TENM3: variants seen among roughly 807,000 people sequenced by gnomAD.
The protein encoded by TENM3 is teneurin-3.
TENM3 carries 63 observed loss-of-function variants against 255.1 expected under a neutral mutation model. The observed-to-expected ratio is 0.25, with a 90% confidence interval of 0.20 to 0.30. The LOEUF is 0.30. Ranked by LOEUF, TENM3 falls within the 10% of genes least tolerant of loss-of-function variation. The pLI, the probability that TENM3 is intolerant of heterozygous loss-of-function variation, is 1.00. For synonymous variants in TENM3, 1,306 were observed against 1,322.3 expected (o/e 0.99, Z 0.27); for missense variants, 2,929 against 3,461.1 (o/e 0.85, Z 3.86).
the TENM3 span, among the ~76,000 whole-genome samples, chr4:182,111,600 A>G: frequency 1.3e-5 from 2 of 152,222 alleles, no homozygotes; most frequent in African/African-American, 2.4e-5. Context: ...ACATGCTTCT[A>G]TGGGCAGACA....
At chr4:181,814,815 C>A in the TENM3 span, among the ~76,000 whole-genome samples, 1 of 151,932 alleles carries the variant, frequency 6.6e-6, no homozygotes, top group South Asian at 2.1e-4. Context: ...ATAATCAGAG[C>A]AGAAGCAGAA....
intron 1 of TENM3, among the ~76,000 whole-genome samples, chr4:182,237,882 GA>G (rs1177640912): frequency 6.6e-6 from 1 of 152,152 alleles, no homozygotes; most frequent in East Asian, 1.9e-4. Flanking sequence ...ATACATATAA[GA>G]GATTGTGGAC....
intron 3 of TENM3, among the ~76,000 whole-genome samples, chr4:182,516,890 C>CA (rs71605070): frequency 0.31 from 39,649 of 127,942 alleles, 5,994 homozygotes; most frequent in South Asian, 0.4. Flanking sequence ...GACCCAGTCT[C>CA]AAAAAAAAAA....
chr4:181,814,513 A>G, the TENM3 span, among the ~76,000 whole-genome samples: 18 of 152,060 alleles, frequency 1.2e-4, no homozygotes, highest in Admixed American at 1.0e-3. Context: ...CAGTTAATAA[A>G]CTTCACTGAA....
chr4:181,583,944 A>G, the TENM3 span, among the ~76,000 whole-genome samples: 2 of 152,056 alleles, frequency 1.3e-5, no homozygotes, highest in Non-Finnish European at 2.9e-5. Context: ...CTTGTTACAT[A>G]CTCTCATAGC....
chr4:182,618,067 T>C (rs964024712), intron 4 of TENM3, among the ~76,000 whole-genome samples: 10 of 152,212 alleles, frequency 6.6e-5, no homozygotes, highest in Admixed American at 1.3e-4. Context: ...TAACACTATA[T>C]AAAACATTGA....
chr4:182,779,748 A>G (rs1216383553), intron 24 of TENM3, among the ~76,000 whole-genome samples: 16 of 152,162 alleles, frequency 1.1e-4, no homozygotes, highest in Non-Finnish European at 2.4e-4. Flanking sequence ...AATGATTGCC[A>G]TTCTAACTAG....
intron 3 of TENM3, among the ~76,000 whole-genome samples, chr4:182,497,330 C>G (rs368701180): frequency 6.6e-6 from 1 of 152,092 alleles, no homozygotes; most frequent in African/African-American, 2.4e-5. Context: ...GGATTACAGG[C>G]GTGAGCCACG....
At chr4:182,002,781 A>T in the TENM3 span, among the ~76,000 whole-genome samples, 1 of 152,146 alleles carries the variant, frequency 6.6e-6, no homozygotes, top group Non-Finnish European at 1.5e-5. Context: ...CCTGTAGGCT[A>T]TAGACCACCC....
At chr4:181,566,977 A>G in the TENM3 span, among the ~76,000 whole-genome samples, 4 of 152,154 alleles carry the variant, frequency 2.6e-5, no homozygotes, top group South Asian at 6.2e-4. Flanking sequence ...CGAGACTCCA[A>G]ATAGGGTTCT....
At chr4:182,222,607 CT>C (rs1755910174) in intron 1 of TENM3, among the ~76,000 whole-genome samples, 1 of 152,218 alleles carries the variant, frequency 6.6e-6, no homozygotes, top group African/African-American at 2.4e-5. Flanking sequence ...AAGTGGTTTT[CT>C]TTCCTCTGAA....
chr4:181,636,289 C>T, the TENM3 span, among the ~76,000 whole-genome samples: 72 of 152,188 alleles, frequency 4.7e-4, no homozygotes, highest in African/African-American at 1.6e-3. Flanking sequence ...GTGATCCACC[C>T]GCCTCGGCCT....
chr4:181,669,968 A>T, the TENM3 span, among the ~76,000 whole-genome samples: 1 of 152,340 alleles, frequency 6.6e-6, no homozygotes, highest in Non-Finnish European at 1.5e-5. Context: ...AATAAAACAC[A>T]TCTTATGATT....
At chr4:182,519,767 G>C (rs1360716222) in intron 3 of TENM3, among the ~76,000 whole-genome samples, 2 of 152,172 alleles carry the variant, frequency 1.3e-5, no homozygotes, top group Admixed American at 1.3e-4. Context: ...ATCAGGGCCT[G>C]AAGTTTTACA....
the TENM3 span, among the ~76,000 whole-genome samples, chr4:181,908,993 C>T: frequency 3.3e-5 from 5 of 152,302 alleles, no homozygotes; most frequent in Admixed American, 3.3e-4. Context: ...TATAGGCTAG[C>T]TCCATAGAGT....
intron 1 of TENM3, among the ~76,000 whole-genome samples, chr4:182,282,180 A>G (rs1760428374): frequency 6.6e-6 from 1 of 152,242 alleles, no homozygotes; most frequent in African/African-American, 2.4e-5. Context: ...TAATTCAAAT[A>G]CCAGTGGACC....
chr4:181,838,359 G>C, the TENM3 span, among the ~76,000 whole-genome samples: 1 of 152,152 alleles, frequency 6.6e-6, no homozygotes, highest in South Asian at 2.1e-4. Flanking sequence ...TTGGCATCTA[G>C]AATTTGCTCA....
At chr4:182,061,591 G>C in the TENM3 span, among the ~76,000 whole-genome samples, 1 of 152,010 alleles carries the variant, frequency 6.6e-6, no homozygotes, top group Non-Finnish European at 1.5e-5. Flanking sequence ...TATTTACGTG[G>C]TAATTGGCAT....
chr4:182,077,872 C>T, the TENM3 span, among the ~76,000 whole-genome samples: 11 of 152,038 alleles, frequency 7.2e-5, no homozygotes, highest in Non-Finnish European at 1.3e-4. Flanking sequence ...TGGCCCGTCC[C>T]ACTGTGGATG....
Sources: allele counts gnomAD v4.1 joint callset (sites outside exome capture counted in the v4.1 genomes callset), GRCh38; gene constraint gnomAD v4.1.1; transcripts MANE v1.5; gene names NCBI Gene and HGNC (gene_info 2026-07-23, HGNC 2026-07-21).